LOXL4: variants seen among roughly 807,000 people sequenced by gnomAD.
LOXL4 encodes lysyl oxidase like 4.
A neutral mutation model predicts 89.1 loss-of-function variants in LOXL4; 72 were observed. The observed-to-expected ratio is 0.81, with a 90% CI of 0.67 to 0.98. The LOEUF (loss-of-function observed/expected upper bound fraction) is 0.98. Among genes scored for constraint, LOXL4 ranks in the 50% least tolerant of loss-of-function variants. The probability of loss-of-function intolerance (pLI) is 0.00; values close to 1 mark genes in which losing one functional copy is unlikely to be tolerated. For missense variants in LOXL4, 984 were observed against 1,017.5 expected (o/e 0.97, Z 0.45); for synonymous variants, 355 against 392.1 (o/e 0.91, Z 1.12).
chr10:98,254,874 CCAGGA>C (rs1858310043), intron 10 of LOXL4, among the ~76,000 whole-genome samples: 1 of 152,172 alleles, frequency 6.6e-6, no homozygotes, highest in Non-Finnish European at 1.5e-5. Context: ...AGAGAGGAAG[CCAGGA>C]GCTCACTGAC....
rs1257615495 is a variant in LOXL4 at position 98,253,673 on chromosome 10, A to G, written c.1715T>C (p.Met572Thr). 15 of 1,614,146 alleles carry G rather than the reference A, an allele frequency of 9.3e-6. No homozygotes were observed. The highest frequency in any genetic ancestry group is 1.3e-5 in the Non-Finnish European group (15 of 1,180,058). The change falls in exon 11 of 15, where the codon ATG becomes ACG. Residue 572 changes from methionine (M) to threonine (T), a missense_variant. Met to Thr is a moderately conservative substitution (Grantham distance 81). Transcript: ENST00000260702. ...ENCLSKSADHMDWPYGYRRLL... is the reference protein window; with the variant it reads ...ENCLSKSADHTDWPYGYRRLL... Reference sequence around the variant, plus strand: ...GCGGCGGTATCCGTAGGGCCAGTCCATGTGATCCGCAGACTTGGAGAGGCA... The same window carrying G: ...GCGGCGGTATCCGTAGGGCCAGTCCGTGTGATCCGCAGACTTGGAGAGGCA...
chr10:98,264,323 A>G (rs1257835652), intron 1 of LOXL4, among the ~76,000 whole-genome samples: 1 of 144,744 alleles, frequency 6.9e-6, no homozygotes, highest in African/African-American at 2.6e-5. Flanking sequence ...GGGTGAGAAA[A>G]GGGGCATTCG....
intron 4 of LOXL4, among the ~76,000 whole-genome samples, chr10:98,260,408 T>A (rs1342337938): frequency 6.6e-6 from 1 of 151,206 alleles, no homozygotes; most frequent in African/African-American, 2.4e-5. Context: ...TGCAAGTATC[T>A]GCAGGAAAGT....
intron 1 of LOXL4, 75 bp downstream of exon 1, chr10:98,268,056 CA>C (rs1354982630): frequency 6.6e-6 from 1 of 152,578 alleles, no homozygotes; most frequent in East Asian, 1.9e-4. Context: ...CCTGCAGACT[CA>C]CAGAGAGACA....
intron 11 of LOXL4, 55 bp from the exon 12 acceptor site, chr10:98,252,523 G>T: frequency 7.8e-7 from 1 of 1,283,370 alleles, no homozygotes; most frequent in Non-Finnish European, 1.1e-6. Context: ...GTCCTCTCTG[G>T]AGGGGCTGGT....
intron 9 of LOXL4, chr10:98,256,385 A>G (rs1026091166): frequency 1.6e-5 from 4 of 242,942 alleles, no homozygotes; most frequent in Non-Finnish European, 2.3e-5. Flanking sequence ...GCAAGCTTTG[A>G]GTGATCTTGC....
chr10:98,251,569 G>A lies in LOXL4; in HGVS notation c.2085C>T (p.Phe695=), dbSNP rs774353525. 1.1e-5 allele frequency: 18 copies of A among 1,614,030 alleles called. No homozygotes were observed. In the South Asian group the frequency reaches 1.9e-4, roughly 17 times the overall value. ...GGGAATCCCCCAGCCGCCTTACCTG[G>A]AAGATATAATTCCCGGGGCCCACAT... The part of the protein sequence containing the change: ...ITDVGPGNYI[F]QVIVNPHYEV... Residue 695 remains phenylalanine, a synonymous_variant, in exon 13 of 15, where the codon TTC becomes TTT. Transcript: ENST00000260702.
chr10:98,251,945 C>G (rs564573145), intron 12 of LOXL4: 1 of 546,872 alleles, frequency 1.8e-6, no homozygotes, highest in African/African-American at 1.9e-5. Flanking sequence ...CCAACGCTCC[C>G]GTGCTAATTT....
At chr10:98,252,496 G>A (rs760301990) in intron 11 of LOXL4, 28 bp from the exon 12 acceptor site, 46 of 1,498,236 alleles carry the variant, frequency 3.1e-5, no homozygotes, top group African/African-American at 8.3e-5. Context: ...CTGTCAGTGC[G>A]GCAGCAACAG....
intron 3 of LOXL4, among the ~76,000 whole-genome samples, chr10:98,261,593 T>TCA (rs1349709952): frequency 1.3e-5 from 2 of 152,150 alleles, no homozygotes; most frequent in Admixed American, 6.5e-5. Flanking sequence ...AGAGTCCCCA[T>TCA]CACAACACGC....
chr10:98,258,709 A>G (rs1858451954), intron 6 of LOXL4, among the ~76,000 whole-genome samples: 1 of 150,282 alleles, frequency 6.7e-6, no homozygotes, highest in Non-Finnish European at 1.5e-5. Flanking sequence ...ACAAAGGAGC[A>G]GGCTCAGGAG....
chr10:98,259,251 G>T, intron 5 of LOXL4, 23 bp from the exon 6 acceptor site: 1 of 1,602,284 alleles, frequency 6.2e-7, no homozygotes, highest in South Asian at 1.1e-5. Context: ...GGAGACTGAG[G>T]GTGGAGGAAG....
intron 10 of LOXL4, among the ~76,000 whole-genome samples, 174 bp downstream of exon 10, chr10:98,255,403 G>A (rs758402364): frequency 1.3e-5 from 2 of 152,156 alleles, no homozygotes; most frequent in Non-Finnish European, 2.9e-5. Flanking sequence ...TGAGGGGGCA[G>A]GGTATGGATC....
rs1858416637 is a variant in LOXL4, at chr10:98,257,673, G to A, written c.1237C>T (p.Pro413Ser). 8.1e-6 allele frequency: 13 copies of A among 1,613,936 alleles called. No homozygotes were observed. The highest frequency in any genetic ancestry group is 1.1e-5 in the Non-Finnish European group (13 of 1,179,938). ...ENDAAVRCNVPNMGFQNQVRL... is the reference protein window; with the variant it reads ...ENDAAVRCNVSNMGFQNQVRL... Reference sequence around the variant, plus strand: ...ACCTGATTCTGAAAGCCCATGTTAGGGACATTGCACCTGACAGCAGCATCA... The same window carrying A: ...ACCTGATTCTGAAAGCCCATGTTAGAGACATTGCACCTGACAGCAGCATCA... Residue 413 changes from proline (P) to serine (S), a missense_variant, in exon 8 of 15, where the codon CCT becomes TCT. Physicochemically the swap from Pro to Ser is moderately conservative, Grantham distance 74 (BLOSUM62 -1). Coordinates refer to ENST00000260702, the MANE Select transcript of LOXL4 (RefSeq NM_032211.7).
rs1461361068 is a variant in LOXL4 at position 98,259,179 on chromosome 10, A to G, written c.751T>C (p.Cys251Arg). 6.2e-7 allele frequency: 1 copy of G among 1,612,222 alleles called. No individual in the cohort carries two copies. The highest frequency in any genetic ancestry group is 1.1e-5 in the South Asian group (1 of 90,942). The change falls in exon 6 of 15, where the codon TGC (cysteine) becomes CGC (arginine). Residue 251 changes from cysteine to arginine, a missense_variant. Physicochemically the swap from Cys to Arg is radical, Grantham distance 180. Coordinates refer to ENST00000260702, the MANE Select transcript of LOXL4 (RefSeq NM_032211.7). The part of the protein sequence containing the change: ...KNSFWIHQVT[C>R]LGTEPHMANC... Reference sequence around the variant, plus strand: ...GCCATGTGGGGCTCTGTCCCCAGGCAGGTGACCTGGTGGATCCAGAAGGAG... The same window carrying G: ...GCCATGTGGGGCTCTGTCCCCAGGCGGGTGACCTGGTGGATCCAGAAGGAG...
At chr10:98,261,275 GC>G in intron 3 of LOXL4, 148 bp from the exon 4 acceptor site, 1 of 778,330 alleles carries the variant, frequency 1.3e-6, no homozygotes, top group Non-Finnish European at 2.1e-6. Flanking sequence ...GGAAACTGAG[GC>G]CCAGAGAAGG....
In LOXL4 at chr10:98,262,748, C is replaced by T; in HGVS notation, c.272G>A (p.Gly91Glu). The change falls in exon 2 of 15, where the codon GGG becomes GAG. Residue 91 changes from glycine to glutamate, a missense_variant. Gly to Glu is a moderately conservative substitution (Grantham distance 98). Transcript: ENST00000260702. The stretch of plus-strand genomic sequence containing the variant: ...AGGTGGCACCAGTCACTCACCCTCC[C>T]CTTGGCCGTACTTGGCACTGTGGGC... The part of the protein sequence containing the change: ...TWAHSAKYGQ[G>E]EGPIWLDNVR... The T allele has an allele frequency of 6.2e-7, 1 of 1,611,944 alleles. No homozygotes were observed.
intron 2 of LOXL4, among the ~76,000 whole-genome samples, chr10:98,262,434 G>A (rs945364093): frequency 2.6e-5 from 4 of 152,168 alleles, no homozygotes; most frequent in African/African-American, 4.8e-5. Flanking sequence ...GGAAAATGCC[G>A]GGTAGCTCTA....
Position 98,251,056 on chromosome 10 carries a change from C to A in LOXL4, c.2200+9G>T. ...ATAGATGGCTGATTCCACAGTGGCT[C>A]GGAGTTACCTGTGTGGCAGTTGTGC... On this transcript the variant is annotated intron_variant, in intron 14 of 14. Coordinates refer to ENST00000260702, the MANE Select transcript of LOXL4 (RefSeq NM_032211.7). 1 of 1,605,080 alleles carries A rather than the reference C, an allele frequency of 6.2e-7. No individual in the cohort carries two copies. Among genetic ancestry groups the A allele is most frequent in the African/African-American group, 1.3e-5 (1 of 74,880 alleles).
Sources: gnomAD v4.1 joint callset for allele counts (sites outside exome capture counted in the v4.1 genomes callset) on GRCh38, gnomAD v4.1.1 for gene constraint, MANE v1.5 for transcripts, NCBI Gene and HGNC (gene_info 2026-07-23, HGNC 2026-07-21) for gene names.